The following MYO16 variants were observed in gnomAD, a reference collection of about 807,000 sequenced individuals.
The protein encoded by MYO16 is unconventional myosin-XVI.
Under a neutral mutation model 205.3 loss-of-function variants are expected in MYO16, and 94 were observed. The ratio of observed to expected loss-of-function variants is 0.46; its 90% CI spans 0.39 to 0.54. The LOEUF (loss-of-function observed/expected upper bound fraction) is 0.54. Ranked by LOEUF, MYO16 falls within the 20% of genes least tolerant of loss-of-function variation. The pLI is 0.00. For synonymous variants in MYO16, 988 were observed against 954.0 expected (o/e 1.04, Z -0.66); for missense variants, 2,315 against 2,387.5 (o/e 0.97, Z 0.63).
intron 23 of MYO16, among the ~76,000 whole-genome samples, chr13:109,041,474 G>A (rs757876572): frequency 6.6e-5 from 10 of 152,132 alleles, no homozygotes; most frequent in Non-Finnish European, 1.0e-4. Flanking sequence ...TCCATTTAAC[G>A]TCCTTAAAGC....
chr13:108,740,392 G>A (rs577848947), intron 4 of MYO16, among the ~76,000 whole-genome samples: 1 of 152,268 alleles, frequency 6.6e-6, no homozygotes, highest in South Asian at 2.1e-4. Context: ...GAGTTTGCTG[G>A]AGGTTCACTC....
intron 15 of MYO16, among the ~76,000 whole-genome samples, chr13:108,907,672 C>G (rs1468460224): frequency 6.6e-6 from 1 of 152,182 alleles, no homozygotes; most frequent in Non-Finnish European, 1.5e-5. Flanking sequence ...CCCTGCTGAT[C>G]AGAATTCCAC....
chr13:108,925,128 G>A (rs1265036166), intron 16 of MYO16, among the ~76,000 whole-genome samples: 2 of 152,082 alleles, frequency 1.3e-5, no homozygotes, highest in Non-Finnish European at 2.9e-5. Context: ...GAAGTTGAAG[G>A]TGGAGTGACT....
intron 28 of MYO16, chr13:109,101,113 A>T (rs538953977): frequency 2.1e-5 from 10 of 470,104 alleles, no homozygotes; most frequent in Middle Eastern, 6.1e-4. Flanking sequence ...CTCCCTTTAC[A>T]ACATGACAGA....
At chr13:109,090,546 G>C (rs1162255422) in intron 27 of MYO16, among the ~76,000 whole-genome samples, 1 of 152,294 alleles carries the variant, frequency 6.6e-6, no homozygotes, top group African/African-American at 2.4e-5. Context: ...ATGCAAGAAG[G>C]GGTGGGCAGG....
intron 3 of MYO16, among the ~76,000 whole-genome samples, chr13:108,716,545 C>A (rs551160688): frequency 1.3e-5 from 2 of 152,274 alleles, no homozygotes; most frequent in South Asian, 2.1e-4. Flanking sequence ...TGAAAAATTG[C>A]AGGTTGCTGG....
intron 23 of MYO16, among the ~76,000 whole-genome samples, chr13:109,026,727 C>G (rs1886375982): frequency 6.6e-6 from 1 of 152,132 alleles, no homozygotes; most frequent in South Asian, 2.1e-4. Context: ...CCTGGAACAT[C>G]CCTTTTCTTT....
At chr13:108,758,070 C>G (rs889841125) in intron 4 of MYO16, among the ~76,000 whole-genome samples, 1 of 152,170 alleles carries the variant, frequency 6.6e-6, no homozygotes, top group Admixed American at 6.5e-5. Context: ...AGCTAGCTGG[C>G]CCCTTCTGCC....
At chr13:109,152,312 T>C (rs1877718272) in intron 32 of MYO16, among the ~76,000 whole-genome samples, 1 of 152,230 alleles carries the variant, frequency 6.6e-6, no homozygotes, top group African/African-American at 2.4e-5. Flanking sequence ...ACTCTTGGTG[T>C]TGTTCTAGTT....
intron 12 of MYO16, among the ~76,000 whole-genome samples, chr13:108,875,877 A>C (rs1184321190): frequency 1.3e-5 from 2 of 152,142 alleles, no homozygotes; most frequent in African/African-American, 2.4e-5. Flanking sequence ...CTGTCTCAAA[A>C]AAATGAAAAC....
chr13:109,115,119 TA>T (rs1290899112), intron 28 of MYO16, among the ~76,000 whole-genome samples: 3 of 150,072 alleles, frequency 2.0e-5, no homozygotes, highest in African/African-American at 2.4e-5. Context: ...AATTGTCTTT[TA>T]AAAAAAAAGA....
chr13:108,879,832 G>A (rs866526093), intron 12 of MYO16, among the ~76,000 whole-genome samples: 16 of 152,104 alleles, frequency 1.1e-4, no homozygotes, highest in African/African-American at 2.4e-4. Flanking sequence ...ACATGTGCAC[G>A]TAACTTTATA....
At chr13:108,759,264 A>G (rs1885518516) in intron 4 of MYO16, among the ~76,000 whole-genome samples, 1 of 152,220 alleles carries the variant, frequency 6.6e-6, no homozygotes, top group African/African-American at 2.4e-5. Flanking sequence ...TCTATGTTGA[A>G]GTGTGAATAG....
chr13:109,112,109 C>T (rs1435025405), intron 28 of MYO16, among the ~76,000 whole-genome samples: 3 of 152,156 alleles, frequency 2.0e-5, no homozygotes, highest in African/African-American at 7.2e-5. Context: ...AAAGAAGGTT[C>T]ACATTGGTTT....
Position 108,890,224 on chromosome 13 carries a change from G to A in MYO16, c.1659+1747G>A, listed in dbSNP as rs940378847. Among the ~76,000 whole-genome samples, 11 of 150,598 alleles carry A rather than the reference G, an allele frequency of 7.3e-5. No homozygotes were observed. The South Asian group carries it at 1.1e-3, about 14-fold the overall frequency. The stretch of plus-strand genomic sequence containing the variant: ...CTCCCAAAGTGCTAGGATTACAGGC[G>A]TGAACCACTGCATCGTACTAAGTTT... On this transcript the variant is annotated intron_variant, in intron 14 of 34. Coordinates refer to ENST00000457511, the MANE Select transcript of MYO16 (RefSeq NM_001198950.3).
At chr13:108,673,497 A>T (rs1427502089) in intron 2 of MYO16, among the ~76,000 whole-genome samples, 1 of 151,932 alleles carries the variant, frequency 6.6e-6, no homozygotes, top group Non-Finnish European at 1.5e-5. Context: ...ATCATACTTT[A>T]TTTATATCTC....
intron 4 of MYO16, among the ~76,000 whole-genome samples, chr13:108,762,008 C>A (rs1885624402): frequency 1.3e-5 from 2 of 152,244 alleles, no homozygotes; most frequent in South Asian, 4.1e-4. Context: ...TAGTCCATAC[C>A]TTTACAAGCC....
intron 23 of MYO16, among the ~76,000 whole-genome samples, chr13:109,031,066 A>C (rs1594486376): frequency 6.6e-6 from 1 of 152,278 alleles, no homozygotes; most frequent in South Asian, 2.1e-4. Flanking sequence ...TTATCATTAA[A>C]GAATAAAGGA....
chr13:109,165,224 G>T (rs551645358), intron 33 of MYO16, among the ~76,000 whole-genome samples, 165 bp downstream of exon 33: 4 of 152,276 alleles, frequency 2.6e-5, no homozygotes, highest in South Asian at 4.1e-4. Context: ...GCATATGATT[G>T]CTTCAGTTAA....
Sources: allele counts gnomAD v4.1 joint callset (sites outside exome capture counted in the v4.1 genomes callset), GRCh38; gene constraint gnomAD v4.1.1; transcripts MANE v1.5; gene names NCBI Gene and HGNC (gene_info 2026-07-23, HGNC 2026-07-21).